NKTR: variants seen among roughly 807,000 people sequenced by gnomAD.
The protein encoded by NKTR is NK-tumor recognition protein.
Under a neutral mutation model 156.3 loss-of-function variants are expected in NKTR, and 67 were observed. That is an observed-to-expected ratio of 0.43 (90% CI 0.35 to 0.53). The LOEUF (loss-of-function observed/expected upper bound fraction) is 0.53, where lower values mean the gene tolerates loss of function less well. Ranked by LOEUF, NKTR falls within the 20% of genes least tolerant of loss-of-function variation. The pLI is 0.01. For synonymous variants in NKTR, 640 were observed against 596.6 expected (o/e 1.07, Z -1.06); for missense variants, 1,604 against 1,730.9 (o/e 0.93, Z 1.30).
chr3:42,624,562 A>C (rs904915739), intron 6 of NKTR, among the ~76,000 whole-genome samples: 1 of 152,106 alleles, frequency 6.6e-6, no homozygotes, highest in African/African-American at 2.4e-5. Context: ...GATTATGCTA[A>C]ATTCTTGAAA....
At position 42,638,311 on chromosome 3, in the gene NKTR, T is replaced by C; in HGVS notation, c.2607T>C (p.Leu869=). The part of the protein sequence containing the change: ...RTLKENLSDH[L]RNGSKPKRKN... ...TGAAAGAGAATCTTTCTGATCACCTTAGAAATGGCAGTAAGCCCAAAAGGA... is the reference window on the plus strand; with the variant it reads ...TGAAAGAGAATCTTTCTGATCACCTCAGAAATGGCAGTAAGCCCAAAAGGA... Residue 869 remains leucine, a synonymous_variant, in exon 13 of 17, where the codon CTT becomes CTC. Transcript: ENST00000232978. 6.2e-7 allele frequency: 1 copy of C among 1,610,624 alleles called. No homozygotes were observed. Among genetic ancestry groups the C allele is most frequent in the Non-Finnish European group, 8.5e-7 (1 of 1,179,134 alleles).
chr3:42,623,254 T>C (rs1708075938), intron 6 of NKTR, among the ~76,000 whole-genome samples: 1 of 152,076 alleles, frequency 6.6e-6, no homozygotes, highest in Non-Finnish European at 1.5e-5. Context: ...AAATTACAAT[T>C]ATAATTTTTA....
rs149246621 is a variant in NKTR, at chr3:42,624,138, G to A, written c.374+2622G>A. Among the ~76,000 whole-genome samples, 62 of 151,626 alleles carry A rather than the reference G, an allele frequency of 4.1e-4. No homozygotes were observed. In the East Asian group the frequency reaches 0.011, roughly 27 times the overall value. On this transcript the variant is annotated intron_variant, in intron 6 of 16. Transcript: ENST00000232978. ...TTGCATATATTGCTTTCTTTGGCTG[G>A]AACAATTATATACATGATGAAAATC...
Position 42,601,062 on chromosome 3 carries a change from C to A in NKTR, c.56C>A (p.Pro19Gln). Residue 19 changes from proline (P) to glutamine (Q), a missense_variant and splice_region_variant, in exon 2 of 17, where the codon CCG becomes CAG. Physicochemically the swap from Pro to Gln is moderately conservative, Grantham distance 76 (BLOSUM62 -1). This residue lies in a region of NKTR where 73 missense variants were observed against 90.7 expected (regional missense o/e 0.80). Transcript: ENST00000232978. ...TTCGACATCGAGATCAACCGGGAGCCGGGTGAGCTGGAAACTGGGGAGCGC... is the reference window on the plus strand; with the variant it reads ...TTCGACATCGAGATCAACCGGGAGCAGGGTGAGCTGGAAACTGGGGAGCGC... ...CHFDIEINRE[P>Q]VGRIMFQLFS... is the part of the protein sequence containing the mutation. 1 of 1,573,358 alleles carries A rather than the reference C, an allele frequency of 6.4e-7. No homozygotes were observed. The highest frequency in any genetic ancestry group is 8.6e-7 in the Non-Finnish European group (1 of 1,162,804).
intron 6 of NKTR, among the ~76,000 whole-genome samples, chr3:42,621,913 G>GT (rs1707938025): frequency 6.6e-6 from 1 of 151,964 alleles, no homozygotes; most frequent in African/African-American, 2.4e-5. Flanking sequence ...AGGGAAAGCA[G>GT]TTTGAGTAAA....
At chr3:42,628,960 C>T in intron 6 of NKTR, 1 of 380,112 alleles carries the variant, frequency 2.6e-6, no homozygotes, top group Non-Finnish European at 3.6e-6. Flanking sequence ...CGAGATCATG[C>T]CATCGCACTC....
At position 42,601,081 on chromosome 3, in the gene NKTR, G is replaced by A. The variant is rs942293513; in HGVS notation, c.58+17G>A. On this transcript the variant is annotated intron_variant, in intron 2 of 16. Coordinates refer to ENST00000232978, the MANE Select transcript of NKTR (RefSeq NM_005385.4). ...GGGAGCCGGGTGAGCTGGAAACTGG[G>A]GAGCGCTGCTGGGGCCGAGGCCTGC... 1.3e-6 allele frequency: 2 copies of A among 1,555,160 alleles called. No homozygotes were observed.
At chr3:42,612,078 G>A (rs143530584) in intron 2 of NKTR, among the ~76,000 whole-genome samples, 1,876 of 152,276 alleles carry the variant, frequency 0.012, 17 homozygotes, top group Middle Eastern at 0.02. Context: ...TACAACCTGG[G>A]GAACAGAGCG....
In NKTR at chr3:42,648,073, A is replaced by G. The variant is rs1205350466; in HGVS notation, c.*2098A>G. Reference sequence around the variant, plus strand: ...CCTCTCTCACCTCAAGGCTGCCTGCATTCCTTCTTATGTGGTCCCCTCCAG... The same window carrying G: ...CCTCTCTCACCTCAAGGCTGCCTGCGTTCCTTCTTATGTGGTCCCCTCCAG... On this transcript the variant is annotated 3_prime_UTR_variant, in exon 17 of 17. Coordinates refer to ENST00000232978, the MANE Select transcript of NKTR (RefSeq NM_005385.4). The G allele has an allele frequency of 1.3e-5, 2 of 152,254 alleles. No individual in the cohort carries two copies. Among genetic ancestry groups the G allele is most frequent in the East Asian group, 3.9e-4 (2 of 5,178 alleles). 9.4% of individuals were successfully genotyped at this position (152,254 alleles called of 1,614,324 possible).
At chr3:42,630,214 G>T in intron 6 of NKTR, 1 of 1,085,158 alleles carries the variant, frequency 9.2e-7, no homozygotes, top group Non-Finnish European at 1.1e-6. Flanking sequence ...GTTTTGTTTT[G>T]TTGTTTTGGA....
At chr3:42,630,240 A>C in intron 6 of NKTR, 1 of 1,133,106 alleles carries the variant, frequency 8.8e-7, no homozygotes, top group Non-Finnish European at 1.1e-6. Flanking sequence ...GAGTAACTTT[A>C]ATTTTTATGT....
Position 42,619,740 on chromosome 3 carries a change from C to G in NKTR, c.286+32C>G, listed in dbSNP as rs191561473. On this transcript the variant is annotated intron_variant, in intron 5 of 16. Coordinates refer to ENST00000232978, the MANE Select transcript of NKTR (RefSeq NM_005385.4). Reference sequence around the variant, plus strand: ...CTTAATATTTTACGGTCTTTTGTTTCAGTTCTGATATTAAAGCAAGTTTGA... The same window carrying G: ...CTTAATATTTTACGGTCTTTTGTTTGAGTTCTGATATTAAAGCAAGTTTGA... 1.9e-5 allele frequency: 31 copies of G among 1,606,206 alleles called. No individual in the cohort carries two copies. In the East Asian group the frequency reaches 6.5e-4, roughly 34 times the overall value.
chr3:42,604,377 A>G (rs1224788130), intron 2 of NKTR, among the ~76,000 whole-genome samples: 3 of 141,292 alleles, frequency 2.1e-5, no homozygotes, highest in African/African-American at 5.0e-5. Context: ...TTGATTTGAT[A>G]CCTTTTTTTT....
chr3:42,637,160 C>T lies in NKTR; in HGVS notation c.1456C>T (p.Arg486Cys), dbSNP rs377415681. 3.5e-5 allele frequency: 57 copies of T among 1,611,680 alleles called. No individual in the cohort carries two copies. The highest frequency in any genetic ancestry group is 8.0e-5 in the African/African-American group (6 of 74,726). Residue 486 changes from arginine (R) to cysteine (C), a missense_variant, in exon 13 of 17, where the codon CGT becomes TGT. Coordinates refer to ENST00000232978, the MANE Select transcript of NKTR (RefSeq NM_005385.4). The stretch of plus-strand genomic sequence containing the variant: ...CTCTTGTGATAGAGAAAGGAGTTCT[C>T]GTTCTTCCTCATTGTCATCTCATCA... Reference protein sequence around the residue: ...KSSCDRERSSRSSSLSSHHSS... With the variant: ...KSSCDRERSSCSSSLSSHHSS...
rs780727758 is a variant in NKTR at position 42,634,598 on chromosome 3, ATCT to A, written c.930-10_930-8del. 11 of 1,438,418 alleles carry A rather than the reference ATCT, an allele frequency of 7.6e-6. No homozygotes were observed. The highest frequency in any genetic ancestry group is 2.3e-5 in the East Asian group (1 of 43,376). The allele number at this position is 1,438,418 out of a possible 1,614,324, so 89.1% of individuals were successfully genotyped here. ...TTGCTTATTTTTAATTTTCATCACA[ATCT>A]TCTTTTCCTAGGAAGATTCCTGATG... is the stretch of plus-strand genomic sequence containing the variant. On this transcript the variant is annotated splice_polypyrimidine_tract_variant and intron_variant, in intron 10 of 16. Transcript: ENST00000232978.
chr3:42,643,454 A>T (rs1710076870), intron 15 of NKTR, 59 bp downstream of exon 15: 9 of 1,381,342 alleles, frequency 6.5e-6, no homozygotes, highest in Non-Finnish European at 8.2e-6. Context: ...TTGTTTTGTA[A>T]ACTGTTTGTT....
At position 42,639,207 on chromosome 3, in the gene NKTR, C is replaced by T. The variant is rs571337393; in HGVS notation, c.3503C>T (p.Thr1168Met). 8 of 1,613,970 alleles carry T rather than the reference C, an allele frequency of 5.0e-6. No homozygotes were observed. The highest frequency in any genetic ancestry group is 4.0e-5 in the African/African-American group (3 of 74,888). The change falls in exon 13 of 17, where the codon ACG becomes ATG. Residue 1168 changes from threonine (T) to methionine (M), a missense_variant. Around this residue, in one of 6 missense-constraint regions of NKTR, gnomAD observed 1,255 missense variants for 1,243.7 expected, o/e 1.01. Coordinates refer to ENST00000232978, the MANE Select transcript of NKTR (RefSeq NM_005385.4). ...ATTGTTTTGAAGCAGGATATGGCAA[C>T]GGAACATCCTCAAGCAGAGGTAGTA... ...INIVLKQDMA[T>M]EHPQAEVVKQ...
intron 2 of NKTR, 65 bp downstream of exon 2, chr3:42,601,129 C>T: frequency 7.7e-7 from 1 of 1,299,202 alleles, no homozygotes; most frequent in South Asian, 1.4e-5. Flanking sequence ...GAGGGGTCTA[C>T]CCTCAGCAAC....
At position 42,639,092 on chromosome 3, in the gene NKTR, G is replaced by A. The variant is rs777732828; in HGVS notation, c.3388G>A (p.Glu1130Lys). Reference protein sequence around the residue: ...EDVLQTDDNMEICTPDRSSPA... With the variant: ...EDVLQTDDNMKICTPDRSSPA... ...TGTGCTTCAAACAGATGACAACATG[G>A]AGATCTGCACTCCTGATAGGAGTTC... Residue 1130 changes from glutamate to lysine, a missense_variant, in exon 13 of 17, where the codon GAG (glutamate) becomes AAG (lysine). Glu to Lys is a moderately conservative substitution (Grantham distance 56, BLOSUM62 1). Transcript: ENST00000232978. 1 of 1,614,158 alleles carries A rather than the reference G, an allele frequency of 6.2e-7. No individual in the cohort carries two copies. Among genetic ancestry groups the A allele is most frequent in the Admixed American group, 1.7e-5 (1 of 60,012 alleles).
Sources: gnomAD v4.1 joint callset for allele counts (sites outside exome capture counted in the v4.1 genomes callset) on GRCh38, gnomAD v4.1.1 for gene constraint, gnomAD v4.1.1 regional missense constraint, MANE v1.5 for transcripts, NCBI Gene and HGNC (gene_info 2026-07-23, HGNC 2026-07-21) for gene names.